Variants in ABCC4 observed in about 807,000 individuals in gnomAD.
The protein encoded by ABCC4 is ATP binding cassette subfamily C member 4 (PEL blood group), also known as ATP-binding cassette sub-family C member 4.
ABCC4 carries 102 observed loss-of-function variants against 168.5 expected under a neutral mutation model. The ratio of observed to expected loss-of-function variants is 0.61; its 90% confidence interval spans 0.52 to 0.71. ABCC4 has a LOEUF of 0.71. Among genes scored for constraint, ABCC4 ranks in the 30% least tolerant of loss-of-function variants. ABCC4 has a pLI of 0.00. For missense variants in ABCC4, 1,402 were observed against 1,605.8 expected (o/e 0.87, Z 2.17); for synonymous variants, 617 against 590.7 (o/e 1.04, Z -0.65).
chr13:95,089,263 T>C (rs750204678), intron 20 of ABCC4, among the ~76,000 whole-genome samples: 1 of 152,188 alleles, frequency 6.6e-6, no homozygotes, highest in Non-Finnish European at 1.5e-5. Context: ...TTCTAGAGAA[T>C]TGGAATCCAG....
At chr13:95,293,058 A>G (rs990367011) in intron 1 of ABCC4, among the ~76,000 whole-genome samples, 1 of 152,092 alleles carries the variant, frequency 6.6e-6, no homozygotes, top group African/African-American at 2.4e-5. Flanking sequence ...ACTTTCTCCA[A>G]CTGCAGTTCT....
At chr13:95,278,250 G>T (rs2041022035) in intron 1 of ABCC4, among the ~76,000 whole-genome samples, 1 of 152,158 alleles carries the variant, frequency 6.6e-6, no homozygotes, top group African/African-American at 2.4e-5. Context: ...CATGGCTTTA[G>T]AGGGCCCGTA....
intron 1 of ABCC4, among the ~76,000 whole-genome samples, chr13:95,292,763 G>A (rs961163924): frequency 6.6e-6 from 1 of 152,152 alleles, no homozygotes; most frequent in African/African-American, 2.4e-5. Context: ...AAGGAAAAGG[G>A]GAAGATAGGA....
At chr13:95,160,985 T>C (rs1288053965) in intron 19 of ABCC4, among the ~76,000 whole-genome samples, 1 of 151,864 alleles carries the variant, frequency 6.6e-6, no homozygotes, top group Non-Finnish European at 1.5e-5. Context: ...GAATAAAAGA[T>C]TGTATGCCCC....
chr13:95,102,734 C>G (rs1181853929), intron 20 of ABCC4, among the ~76,000 whole-genome samples: 1 of 151,650 alleles, frequency 6.6e-6, no homozygotes, highest in Non-Finnish European at 1.5e-5. Context: ...ATTCTCCCTG[C>G]CTCAGCCCCC....
intron 11 of ABCC4, among the ~76,000 whole-genome samples, chr13:95,185,849 C>T (rs1460498243): frequency 6.6e-6 from 1 of 152,042 alleles, no homozygotes; most frequent in African/African-American, 2.4e-5. Context: ...AACAATCACT[C>T]TCTTGGTGAA....
At chr13:95,045,294 G>C (rs1210976993) in intron 27 of ABCC4, among the ~76,000 whole-genome samples, 1 of 152,148 alleles carries the variant, frequency 6.6e-6, no homozygotes, top group African/African-American at 2.4e-5. Flanking sequence ...CAGGAAGTAT[G>C]GTCCTCCAAA....
intron 1 of ABCC4, among the ~76,000 whole-genome samples, chr13:95,254,144 C>A (rs562092536): frequency 3.3e-5 from 5 of 152,316 alleles, no homozygotes; most frequent in African/African-American, 7.2e-5. Flanking sequence ...GTAATCCCCC[C>A]ACCTTGGCCT....
intron 19 of ABCC4, among the ~76,000 whole-genome samples, chr13:95,136,004 A>C (rs1314419436): frequency 6.6e-6 from 1 of 152,218 alleles, no homozygotes; most frequent in East Asian, 1.9e-4. Context: ...TCTAGGTTTT[A>C]AACTACATCT....
At chr13:95,031,417 C>T (rs1229445795) in intron 30 of ABCC4, among the ~76,000 whole-genome samples, 2 of 152,192 alleles carry the variant, frequency 1.3e-5, no homozygotes, top group Non-Finnish European at 2.9e-5. Context: ...AAGACATCGG[C>T]CTCCCCCAGC....
Position 95,159,099 on chromosome 13 carries a change from A to ATATATATG in ABCC4, c.2455+2089_2455+2090insCATATATA, listed in dbSNP as rs59842164. 7.0e-3 allele frequency among the ~76,000 whole-genome samples: 450 copies of ATATATATG among 63,992 alleles called. 3 individuals carry two copies. Among genetic ancestry groups the ATATATATG allele is most frequent in the African/African-American group, 0.038 (432 of 11,512 alleles). The allele number at this position is 63,992 out of a possible 152,430, so 42.0% of individuals were successfully genotyped here. A position where few individuals can be genotyped will look rare whatever the true frequency, so the allele number is the denominator to read the frequency against. ...CCTTATTTCTAAATAAATTTTATAT[A>ATATATATG]TATATATATATATATATATATATAT... is the stretch of plus-strand genomic sequence containing the variant. On this transcript the variant is annotated intron_variant, in intron 19 of 30. Coordinates refer to ENST00000645237, the MANE Select transcript of ABCC4 (RefSeq NM_005845.5).
chr13:95,096,928 T>C (rs555784275), intron 20 of ABCC4, among the ~76,000 whole-genome samples: 3 of 152,326 alleles, frequency 2.0e-5, no homozygotes, highest in South Asian at 2.1e-4. Context: ...TGTATGCACA[T>C]ACATGCATAC....
chr13:95,069,611 T>C (rs1169446273), intron 25 of ABCC4, among the ~76,000 whole-genome samples: 1 of 152,128 alleles, frequency 6.6e-6, no homozygotes, highest in Non-Finnish European at 1.5e-5. Flanking sequence ...TAAACACTAA[T>C]GCCCATTCCC....
At chr13:95,184,925 G>A (rs944777836) in intron 11 of ABCC4, among the ~76,000 whole-genome samples, 5 of 152,120 alleles carry the variant, frequency 3.3e-5, no homozygotes, top group Non-Finnish European at 7.3e-5. Flanking sequence ...TCCACTCACT[G>A]CAACACACTG....
chr13:95,186,197 T>C (rs2038052479), intron 11 of ABCC4, among the ~76,000 whole-genome samples: 1 of 150,886 alleles, frequency 6.6e-6, no homozygotes, highest in Admixed American at 6.6e-5. Context: ...TCAAAAGTGT[T>C]CTTATCTTCT....
At chr13:95,053,750 G>A (rs34545664) in intron 26 of ABCC4, 15,285 of 155,592 alleles carry the variant, frequency 0.098, 999 homozygotes, top group Admixed American at 0.17. Flanking sequence ...GTCGAGGCGG[G>A]TGGATCACCT....
intron 19 of ABCC4, among the ~76,000 whole-genome samples, chr13:95,116,966 C>T (rs2035398478): frequency 6.6e-6 from 1 of 152,114 alleles, no homozygotes; most frequent in African/African-American, 2.4e-5. Flanking sequence ...GGCCTTTATA[C>T]CAGGCTGCAA....
intron 3 of ABCC4, among the ~76,000 whole-genome samples, chr13:95,243,989 C>A (rs1284265921): frequency 2.6e-5 from 4 of 152,074 alleles, no homozygotes; most frequent in African/African-American, 9.7e-5. Flanking sequence ...TGTCACCTGA[C>A]TTTCCGGCAC....
At chr13:95,157,896 C>T (rs1333186051) in intron 19 of ABCC4, among the ~76,000 whole-genome samples, 1 of 151,568 alleles carries the variant, frequency 6.6e-6, no homozygotes, top group African/African-American at 2.4e-5. Flanking sequence ...ACGGTGAAAC[C>T]CGTCTCTACT....
Sources: gnomAD v4.1 joint callset for allele counts (sites outside exome capture counted in the v4.1 genomes callset) on GRCh38, gnomAD v4.1.1 for gene constraint, MANE v1.5 for transcripts, NCBI Gene and HGNC (gene_info 2026-07-23, HGNC 2026-07-21) for gene names.